Variants in GRAMD4 observed in about 807,000 individuals in gnomAD.
The protein encoded by GRAMD4 is GRAM domain-containing protein 4.
GRAMD4 carries 25 observed loss-of-function variants against 83.9 expected under a neutral mutation model. The observed-to-expected ratio is 0.30, with a 90% CI of 0.22 to 0.42. GRAMD4 has a LOEUF of 0.42. Ranked by LOEUF, GRAMD4 falls within the 10% of genes least tolerant of loss-of-function variation. GRAMD4 has a pLI of 1.00. For synonymous variants in GRAMD4, 336 were observed against 320.9 expected (o/e 1.05, Z -0.50); for missense variants, 593 against 788.7 (o/e 0.75, Z 2.97).
chr22:46,661,318 C>A, intron 4 of GRAMD4, 63 bp from the exon 5 acceptor site: 2 of 1,341,012 alleles, frequency 1.5e-6, no homozygotes, highest in African/African-American at 1.4e-5. Context: ...CTCGGGGGTG[C>A]CTGACTGGGC....
exon 1 of GRAMD4, chr22:46,577,166 C>T: frequency 2.2e-6 from 1 of 447,326 alleles, no homozygotes; most frequent in Non-Finnish European, 2.9e-6. Context: ...CCCGCGGGGC[C>T]GCCTCCTCCC....
intron 3 of GRAMD4, among the ~76,000 whole-genome samples, chr22:46,648,296 G>A (rs548905272): frequency 6.6e-6 from 1 of 151,890 alleles, no homozygotes; most frequent in Non-Finnish European, 1.5e-5. Context: ...GTGGATGGAT[G>A]GGTTGATGAA....
chr22:46,577,131 G>C (rs976940878), exon 1 of GRAMD4: 1 of 229,784 alleles, frequency 4.4e-6, no homozygotes, highest in Non-Finnish European at 7.0e-6. Flanking sequence ...TGGCGCCGCC[G>C]CCGCCTCCGC....
At chr22:46,624,357 G>A (rs1018522832) in intron 1 of GRAMD4, among the ~76,000 whole-genome samples, 5 of 97,158 alleles carry the variant, frequency 5.1e-5, no homozygotes, top group South Asian at 3.9e-4. Context: ...TTTCTGAGAC[G>A]GAGTCTCACT....
chr22:46,584,660 T>G (rs2081130836), intron 1 of GRAMD4, among the ~76,000 whole-genome samples: 1 of 152,128 alleles, frequency 6.6e-6, no homozygotes, highest in Admixed American at 6.5e-5. Context: ...CCCGGTATGC[T>G]GCCGCAGCAT....
intron 14 of GRAMD4, 125 bp from the exon 15 acceptor site, chr22:46,673,545 G>T (rs2082546185): frequency 8.3e-7 from 1 of 1,199,230 alleles, no homozygotes; most frequent in Non-Finnish European, 1.2e-6. Context: ...GGGCCGGAAG[G>T]GACCTCGGGA....
At chr22:46,577,123 G>GCGC (rs968662224), upstream of GRAMD4, 12 of 199,516 alleles carry the variant, frequency 6.0e-5, no homozygotes, top group South Asian at 5.2e-4. Context: ...GCGCGACCTG[G>GCGC]CGCCGCCGCC....
At chr22:46,668,215 C>T in intron 11 of GRAMD4, 48 bp downstream of exon 11, 1 of 1,356,080 alleles carries the variant, frequency 7.4e-7, no homozygotes, top group African/African-American at 1.4e-5. Flanking sequence ...CAGCCATGGG[C>T]ACCAGCCAGG....
At chr22:46,653,706 A>G (rs1334173775) in intron 3 of GRAMD4, among the ~76,000 whole-genome samples, 1 of 152,182 alleles carries the variant, frequency 6.6e-6, no homozygotes, top group Non-Finnish European at 1.5e-5. Context: ...GGAGGGGCCA[A>G]AGTGCCTCTC....
In GRAMD4 at chr22:46,638,830, G is replaced by A. The variant is rs114202172; in HGVS notation, c.283+870G>A. On this transcript the variant is annotated intron_variant, in intron 3 of 18. Coordinates refer to ENST00000406902, the MANE Select transcript of GRAMD4 (RefSeq NM_015124.5). ...TTGTGACAGGCAGGGGCTTACGACC[G>A]GGGTGCACAGGTCACTTCCTTCTGG... Among the ~76,000 whole-genome samples, 1,484 of 152,274 alleles carry A rather than the reference G, an allele frequency of 9.7e-3. 23 individuals are homozygous for A. The highest frequency in any genetic ancestry group is 0.032 in the African/African-American group (1,329 of 41,550).
chr22:46,608,416 C>T (rs2081385900), intron 1 of GRAMD4, among the ~76,000 whole-genome samples: 1 of 152,226 alleles, frequency 6.6e-6, no homozygotes, highest in African/African-American at 2.4e-5. Context: ...TGGTGGCTCA[C>T]ACCTGTAATT....
intron 1 of GRAMD4, among the ~76,000 whole-genome samples, chr22:46,611,735 A>G (rs2081418741): frequency 6.6e-6 from 1 of 151,726 alleles, no homozygotes; most frequent in Non-Finnish European, 1.5e-5. Flanking sequence ...TCATGCCTGT[A>G]ATCCTAGCAG....
intron 11 of GRAMD4, among the ~76,000 whole-genome samples, chr22:46,668,408 G>C (rs1327498128): frequency 6.6e-6 from 1 of 152,174 alleles, no homozygotes; most frequent in Non-Finnish European, 1.5e-5. Context: ...CAGCCTCTGC[G>C]GACGGTGCGC....
intron 16 of GRAMD4, 38 bp from the exon 17 acceptor site, chr22:46,675,430 C>A: frequency 6.8e-7 from 1 of 1,469,012 alleles, no homozygotes; most frequent in Non-Finnish European, 9.5e-7. Context: ...TGCTCTGGTT[C>A]AAGAGCCAGG....
At chr22:46,627,250 C>A (rs1282728820) in intron 2 of GRAMD4, among the ~76,000 whole-genome samples, 2 of 152,230 alleles carry the variant, frequency 1.3e-5, no homozygotes, top group Non-Finnish European at 2.9e-5. Flanking sequence ...GACGCGGAAG[C>A]CTCGGCCTGG....
upstream of GRAMD4, chr22:46,577,020 G>C (rs2081048144): frequency 6.9e-6 from 1 of 145,912 alleles, no homozygotes; most frequent in Admixed American, 6.8e-5. Flanking sequence ...GGTGGCGCGC[G>C]GGGCGCGGCC....
chr22:46,626,858 A>G lies in GRAMD4; in HGVS notation c.59A>G (p.Asp20Gly). Residue 20 changes from aspartate (D) to glycine (G), a missense_variant, in exon 2 of 19, where the codon GAT (aspartate) becomes GGT (glycine). By Grantham distance (94) the Asp-to-Gly change is moderately conservative. This residue lies in a region of GRAMD4 where 312 missense variants were observed against 350.7 expected (regional missense o/e 0.89). Coordinates refer to ENST00000406902, the MANE Select transcript of GRAMD4 (RefSeq NM_015124.5). ...GGTCACAAGAGAGATGACTTCCTCG[A>G]TCTAGCGGAGTCTCCAAATGCCTCG... ...FRGHKRDDFL[D>G]LAESPNASDT... 1 of 1,614,062 alleles carries G rather than the reference A, an allele frequency of 6.2e-7. No individual in the cohort carries two copies.
intron 3 of GRAMD4, among the ~76,000 whole-genome samples, chr22:46,644,491 T>C (rs958016577): frequency 6.6e-6 from 1 of 151,884 alleles, no homozygotes; most frequent in Admixed American, 6.6e-5. Flanking sequence ...GTTACACCTG[T>C]CCCTGTTCTG....
chr22:46,676,507 G>A, intron 17 of GRAMD4, 93 bp from the exon 18 acceptor site: 11 of 1,129,776 alleles, frequency 9.7e-6, no homozygotes, highest in Non-Finnish European at 1.4e-5. Context: ...CTGCCTGTGT[G>A]CCCAGTGGAG....
Sources: gnomAD v4.1 joint callset for allele counts (sites outside exome capture counted in the v4.1 genomes callset) on GRCh38, gnomAD v4.1.1 for gene constraint, gnomAD v4.1.1 regional missense constraint, MANE v1.5 for transcripts, NCBI Gene and HGNC (gene_info 2026-07-23, HGNC 2026-07-21) for gene names.